TNRC6A: variants seen among roughly 807,000 people sequenced by gnomAD.
The protein encoded by TNRC6A is trinucleotide repeat-containing gene 6A protein.
In TNRC6A, 44 loss-of-function variants were observed where a neutral mutation model predicts 221.2. That is an observed-to-expected ratio of 0.20 (90% CI 0.16 to 0.26). TNRC6A has a LOEUF of 0.26. TNRC6A is among the 10% of genes least tolerant of loss of function. TNRC6A has a pLI of 1.00. For synonymous variants in TNRC6A, 847 were observed against 838.5 expected, an observed-to-expected ratio of 1.01 and a Z score of -0.18; for missense variants, 2,199 against 2,404.4, an observed-to-expected ratio of 0.91 and a Z score of 1.79.
At chr16:24,726,429 A>G (rs914312971), upstream of TNRC6A, among the ~76,000 whole-genome samples, 1 of 151,628 alleles carries the variant, frequency 6.6e-6, no homozygotes, top group African/African-American at 2.4e-5. Context: ...AGGATGGCCT[A>G]GCAAAGAGAT....
rs370673044 is a variant in TNRC6A, at chr16:24,715,022, A to G, written n.403-35704A>G. Among the ~76,000 whole-genome samples, 1,226 of 151,670 alleles carry G rather than the reference A, an allele frequency of 8.1e-3. 11 individuals are homozygous for G. Among genetic ancestry groups the G allele is most frequent in the Middle Eastern group, 0.041 (12 of 294 alleles). ...CTCCCGAGTAGCTGTGACTACAGGC[A>G]CCTGCCACCACACCCGGCTAAGTTT... On this transcript the variant is annotated intron_variant and non_coding_transcript_variant, in intron 2 of 2. Coordinates refer to the TNRC6A transcript ENST00000566108.
chr16:24,759,278 G>T (rs564074998), intron 4 of TNRC6A, among the ~76,000 whole-genome samples: 3 of 152,150 alleles, frequency 2.0e-5, no homozygotes, highest in Non-Finnish European at 4.4e-5. Context: ...ATAGGGGCCA[G>T]GTCAAAGTGG....
chr16:24,749,682 G>A (rs939645242), intron 2 of TNRC6A, among the ~76,000 whole-genome samples: 4 of 152,080 alleles, frequency 2.6e-5, no homozygotes, highest in African/African-American at 9.7e-5. Flanking sequence ...TTATTCATTT[G>A]CTTTGAATAG....
intron 1 of TNRC6A, among the ~76,000 whole-genome samples, chr16:24,625,652 G>T (rs535952908): frequency 4.0e-5 from 6 of 151,180 alleles, no homozygotes; most frequent in African/African-American, 1.5e-4. Context: ...CGTGAACCCG[G>T]GAGGCGGAGC....
chr16:24,793,744 A>C (rs948291284), intron 7 of TNRC6A, 95 bp downstream of exon 7: 2 of 1,044,174 alleles, frequency 1.9e-6, no homozygotes, highest in Non-Finnish European at 2.5e-6. Context: ...TATGTTATTT[A>C]TAATATATTC....
At chr16:24,677,399 G>A (rs964249834) in intron 2 of TNRC6A, among the ~76,000 whole-genome samples, 1 of 152,120 alleles carries the variant, frequency 6.6e-6, no homozygotes, top group African/African-American at 2.4e-5. Context: ...CTGACCTCAA[G>A]TGATCCGCCC....
chr16:24,800,312 C>T (rs1321721663), intron 11 of TNRC6A, among the ~76,000 whole-genome samples: 16 of 152,184 alleles, frequency 1.1e-4, no homozygotes, highest in Admixed American at 9.8e-4. Flanking sequence ...GACAGATGCC[C>T]ACCTTTTTAG....
intron 1 of TNRC6A, among the ~76,000 whole-genome samples, chr16:24,620,432 A>G (rs903384010): frequency 6.6e-6 from 1 of 152,190 alleles, no homozygotes; most frequent in African/African-American, 2.4e-5. Context: ...GGAATGCCTT[A>G]TATACCAAGT....
intron 1 of TNRC6A, among the ~76,000 whole-genome samples, chr16:24,636,925 T>C (rs1447818983): frequency 6.6e-6 from 1 of 152,212 alleles, no homozygotes; most frequent in Non-Finnish European, 1.5e-5. Flanking sequence ...TTCACATCTA[T>C]ATTCATGGCT....
intron 18 of TNRC6A, 139 bp from the exon 19 acceptor site, chr16:24,815,008 A>G (rs1334223760): frequency 4.8e-5 from 42 of 878,882 alleles, no homozygotes; most frequent in Non-Finnish European, 6.5e-5. Context: ...TAGAATCTCA[A>G]TATAAAAGAG....
At chr16:24,729,177 G>A (rs908810996), upstream of TNRC6A, among the ~76,000 whole-genome samples, 9 of 152,118 alleles carry the variant, frequency 5.9e-5, no homozygotes, top group Non-Finnish European at 1.2e-4. Context: ...TTTACCTGAG[G>A]AGGAACAGAG....
chr16:24,651,558 A>AAAC (rs1902660376), intron 2 of TNRC6A, among the ~76,000 whole-genome samples: 1 of 137,438 alleles, frequency 7.3e-6, no homozygotes, highest in African/African-American at 2.6e-5. Flanking sequence ...AAAAAAAAAA[A>AAAC]AAAAAACATA....
At chr16:24,786,694 G>A (rs1360428962) in intron 5 of TNRC6A, among the ~76,000 whole-genome samples, 1 of 149,856 alleles carries the variant, frequency 6.7e-6, no homozygotes, top group African/African-American at 2.5e-5. Context: ...TGTTGTTTTT[G>A]TGTTTTGAGA....
chr16:24,624,369 TGAA>T (rs1900849069), intron 1 of TNRC6A, among the ~76,000 whole-genome samples: 1 of 152,222 alleles, frequency 6.6e-6, no homozygotes, highest in African/African-American at 2.4e-5. Context: ...CAAGGAGGGC[TGAA>T]GAAGGAGGGC....
chr16:24,738,022 C>A (rs192883779), intron 2 of TNRC6A, among the ~76,000 whole-genome samples: 1 of 152,272 alleles, frequency 6.6e-6, no homozygotes, highest in Non-Finnish European at 1.5e-5. Context: ...GAAAATCTTA[C>A]AAAGATAGGG....
chr16:24,779,693 A>G (rs2057798569), intron 5 of TNRC6A, among the ~76,000 whole-genome samples: 1 of 152,206 alleles, frequency 6.6e-6, no homozygotes, highest in Non-Finnish European at 1.5e-5. Flanking sequence ...AGGCCAGTGA[A>G]GAACAAGGTA....
rs2151880275 is a variant in TNRC6A at position 24,791,648 on chromosome 16, T to C, written c.3006T>C (p.Asp1002=). 2 of 1,612,316 alleles carry C rather than the reference T, an allele frequency of 1.2e-6. No individual in the cohort carries two copies. The highest frequency in any genetic ancestry group is 1.7e-4 in the Middle Eastern group (1 of 6,052). ...CTATACGTCGCAAAATGGAGATTGA[T>C]GATGGAACTTCAGCTTGGGGAGATC... ...PESIRRKMEI[D]DGTSAWGDPS... is the part of the protein sequence containing the mutation. The change falls in exon 6 of 25, where the codon GAT becomes GAC. Residue 1002 remains aspartate (D), a synonymous_variant. Transcript: ENST00000395799.
chr16:24,722,192 C>T (rs1434782429), intron 2 of TNRC6A, among the ~76,000 whole-genome samples: 4 of 152,132 alleles, frequency 2.6e-5, no homozygotes, highest in Non-Finnish European at 4.4e-5. Context: ...GGGAGGATCA[C>T]TAGAGGCCAG....
intron 2 of TNRC6A, among the ~76,000 whole-genome samples, chr16:24,700,051 A>G (rs1263112206): frequency 6.6e-6 from 1 of 151,954 alleles, no homozygotes; most frequent in Non-Finnish European, 1.5e-5. Context: ...TGGGTGCCCA[A>G]AGTTTTTGAC....
Sources: allele counts gnomAD v4.1 joint callset (sites outside exome capture counted in the v4.1 genomes callset), GRCh38; gene constraint gnomAD v4.1.1; transcripts MANE v1.5; gene names NCBI Gene and HGNC (gene_info 2026-07-23, HGNC 2026-07-21).